The following TMEM114 variants were observed in gnomAD, a reference collection of about 807,000 sequenced individuals.
TMEM114 encodes transmembrane protein 114, also known as claudin-26.
Under a neutral mutation model 6.2 loss-of-function variants are expected in TMEM114, and 6 were observed. The observed-to-expected ratio is 0.97, with a 90% CI of 0.53 to 1.91. The LOEUF is 1.91. TMEM114 is among the 40% of genes most tolerant of loss of function. The probability of loss-of-function intolerance (pLI) is 0.01; values close to 1 mark genes in which losing one functional copy is unlikely to be tolerated. For synonymous variants in TMEM114, 104 were observed against 73.0 expected, an observed-to-expected ratio of 1.42 and a Z score of -2.16; for missense variants, 218 against 158.3, an observed-to-expected ratio of 1.38 and a Z score of -2.02.
chr16:8,559,756 G>T (rs1272779861), intron 2 of TMEM114, among the ~76,000 whole-genome samples: 1 of 152,178 alleles, frequency 6.6e-6, no homozygotes, highest in Non-Finnish European at 1.5e-5. Flanking sequence ...CAGTTGCGAT[G>T]CTGCCGACTT....
chr16:8,572,763 C>G (rs917849946), intron 2 of TMEM114, among the ~76,000 whole-genome samples: 1 of 152,120 alleles, frequency 6.6e-6, no homozygotes, highest in Non-Finnish European at 1.5e-5. Context: ...AGAGAGAAGC[C>G]GCAATGCAGA....
intron 2 of TMEM114, among the ~76,000 whole-genome samples, chr16:8,539,063 G>A (rs957559927): frequency 6.6e-6 from 1 of 152,084 alleles, no homozygotes; most frequent in Non-Finnish European, 1.5e-5. Context: ...TTATTAAATA[G>A]CGTATTTGTG....
At chr16:8,535,292 G>A (rs1388784807), downstream of TMEM114, among the ~76,000 whole-genome samples, 1 of 152,162 alleles carries the variant, frequency 6.6e-6, no homozygotes, top group African/African-American at 2.4e-5. Flanking sequence ...AAGTAGCAAG[G>A]ACTTTTTTAT....
intron 2 of TMEM114, among the ~76,000 whole-genome samples, chr16:8,554,869 G>T (rs577433067): frequency 6.6e-6 from 1 of 152,202 alleles, no homozygotes; most frequent in African/African-American, 2.4e-5. Flanking sequence ...GGGACGAAGA[G>T]CTTAAGCAGT....
intron 2 of TMEM114, among the ~76,000 whole-genome samples, chr16:8,564,041 ATGAG>A (rs961552911): frequency 4.0e-5 from 6 of 148,730 alleles, no homozygotes; most frequent in African/African-American, 7.6e-5. Context: ...GAGTGACTGA[ATGAG>A]TGAGTGAATG....
At chr16:8,568,656 A>C (rs565573146), downstream of TMEM114, among the ~76,000 whole-genome samples, 29 of 152,272 alleles carry the variant, frequency 1.9e-4, no homozygotes, top group South Asian at 5.2e-3. Context: ...GTATTCCCCA[A>C]ACCATCAGCA....
At chr16:8,538,243 C>G (rs1900418397) in intron 2 of TMEM114, among the ~76,000 whole-genome samples, 1 of 151,026 alleles carries the variant, frequency 6.6e-6, no homozygotes, top group Admixed American at 6.6e-5. Flanking sequence ...AAACCATGAT[C>G]CTTCCACTGC....
At chr16:8,559,612 T>C (rs1186145551) in intron 2 of TMEM114, among the ~76,000 whole-genome samples, 1 of 152,186 alleles carries the variant, frequency 6.6e-6, no homozygotes, top group Non-Finnish European at 1.5e-5. Context: ...CAAAGCGTTG[T>C]TTCTCTTGTG....
chr16:8,589,772 G>A lies in TMEM114; in HGVS notation c.67C>T (p.Leu23=), dbSNP rs1357002490. The A allele has an allele frequency of 1.0e-5, 4 of 398,468 alleles. No individual in the cohort carries two copies. Among genetic ancestry groups the A allele is most frequent in the Non-Finnish European group, 1.8e-5 (4 of 226,080 alleles). 24.7% of individuals were successfully genotyped at this position (398,468 alleles called of 1,614,324 possible). The part of the protein sequence containing the change: ...ALTGALSFVL[L]AAAIGTDFWY... Reference sequence around the variant, plus strand: ...AAGTCCGTGCCGATGGCGGCCGCCAGGAGCACAAAGCTGAGCGCCCCGGTC... The same window carrying A: ...AAGTCCGTGCCGATGGCGGCCGCCAAGAGCACAAAGCTGAGCGCCCCGGTC... The change falls in exon 1 of 4, where the codon CTG becomes TTG. Residue 23 remains leucine, a synonymous_variant. Coordinates refer to ENST00000620492, the MANE Select transcript of TMEM114 (RefSeq NM_001146336.2).
chr16:8,544,812 A>G (rs1900612470), intron 2 of TMEM114, among the ~76,000 whole-genome samples: 1 of 152,198 alleles, frequency 6.6e-6, no homozygotes, highest in Non-Finnish European at 1.5e-5. Context: ...AAATTTACAG[A>G]CATTTGAAAA....
At chr16:8,561,316 C>G (rs954363001) in intron 2 of TMEM114, among the ~76,000 whole-genome samples, 11 of 152,226 alleles carry the variant, frequency 7.2e-5, no homozygotes, top group African/African-American at 2.4e-4. Context: ...TCTCAAAAGA[C>G]TGGACAGGAC....
intron 2 of TMEM114, among the ~76,000 whole-genome samples, chr16:8,544,506 G>C (rs1213019261): frequency 6.6e-6 from 1 of 152,218 alleles, no homozygotes; most frequent in Non-Finnish European, 1.5e-5. Context: ...AGAACGTCAA[G>C]TGACTTGATA....
Position 8,572,156 on chromosome 16 carries a change from C to T in TMEM114, c.370G>A (p.Gly124Arg). Residue 124 changes from glycine (G) to arginine (R), a missense_variant, in exon 3 of 4, where the codon GGG (glycine) becomes AGG (arginine). Gly to Arg is a moderately radical substitution (Grantham distance 125, BLOSUM62 -2). Coordinates refer to ENST00000620492, the MANE Select transcript of TMEM114 (RefSeq NM_001146336.2). ...LILMVFGGMT[G>R]FLSFLLQAYL... is the part of the protein sequence containing the mutation. ...GCTTGGAGGAGGAAGCTCAGAAACC[C>T]CGTCATCCCCCCAAAAACCATCAGG... 5 of 1,551,584 alleles carry T rather than the reference C, an allele frequency of 3.2e-6. No homozygotes were observed. The highest frequency in any genetic ancestry group is 4.4e-6 in the Non-Finnish European group (5 of 1,146,952).
At chr16:8,530,489 G>T in the TMEM114 span, among the ~76,000 whole-genome samples, 1 of 152,096 alleles carries the variant, frequency 6.6e-6, no homozygotes, top group African/African-American at 2.4e-5. Flanking sequence ...AATAGCTAAT[G>T]TAGCCAATGG....
intron 2 of TMEM114, among the ~76,000 whole-genome samples, chr16:8,573,143 G>T (rs1171129535): frequency 6.6e-6 from 1 of 152,136 alleles, no homozygotes; most frequent in Admixed American, 6.5e-5. Context: ...AGCTTTTTGG[G>T]GGAGCAGGGA....
At chr16:8,548,589 G>C (rs1303301037) in intron 2 of TMEM114, among the ~76,000 whole-genome samples, 1 of 151,872 alleles carries the variant, frequency 6.6e-6, no homozygotes, top group Non-Finnish European at 1.5e-5. Context: ...TAGTATCCTA[G>C]ACCTTTTTCA....
intron 2 of TMEM114, among the ~76,000 whole-genome samples, chr16:8,574,997 C>G (rs570454137): frequency 4.1e-4 from 62 of 152,288 alleles, no homozygotes; most frequent in African/African-American, 1.3e-3. Flanking sequence ...CTTAGAAATG[C>G]TCCCATCGCT....
intron 2 of TMEM114, among the ~76,000 whole-genome samples, chr16:8,562,688 G>C (rs529699869): frequency 1.4e-5 from 2 of 147,836 alleles, no homozygotes; most frequent in Non-Finnish European, 3.1e-5. Context: ...GAGTGAGTGA[G>C]GGAATGAGTG....
At chr16:8,530,230 C>G in the TMEM114 span, among the ~76,000 whole-genome samples, 3 of 152,212 alleles carry the variant, frequency 2.0e-5, no homozygotes, top group African/African-American at 4.8e-5. Context: ...TGAAAACTCA[C>G]TCTCAGCAAA....
Sources: allele counts gnomAD v4.1 joint callset (sites outside exome capture counted in the v4.1 genomes callset), GRCh38; gene constraint gnomAD v4.1.1; transcripts MANE v1.5; gene names NCBI Gene and HGNC (gene_info 2026-07-23, HGNC 2026-07-21).